LMO1: variants seen among roughly 807,000 people sequenced by gnomAD.
The protein encoded by LMO1 is LIM domain only 1.
Under a neutral mutation model 18.0 loss-of-function variants are expected in LMO1, and 10 were observed. The ratio of observed to expected loss-of-function variants is 0.55; its 90% CI spans 0.34 to 0.94. The LOEUF is 0.94. Ranked by LOEUF, LMO1 falls within the 40% of genes least tolerant of loss-of-function variation. The pLI, the probability that LMO1 is intolerant of heterozygous loss-of-function variation, is 0.02. For synonymous variants in LMO1, 77 were observed against 77.9 expected (o/e 0.99, Z 0.06); for missense variants, 183 against 205.7 (o/e 0.89, Z 0.68).
At chr11:8,268,557 G>T, upstream of LMO1, 1 of 946,436 alleles carries the variant, frequency 1.1e-6, no homozygotes, top group Non-Finnish European at 1.4e-6. Context: ...CGCGGGCGCC[G>T]AGTCCGGAGA....
intron 1 of LMO1, among the ~76,000 whole-genome samples, chr11:8,249,696 C>T (rs2134566250): frequency 6.6e-6 from 1 of 152,338 alleles, no homozygotes; most frequent in Admixed American, 6.5e-5. Context: ...CCTGACCACC[C>T]TGCAGCCTCA....
chr11:8,258,870 C>T (rs1276067205), intron 1 of LMO1, among the ~76,000 whole-genome samples: 1 of 152,198 alleles, frequency 6.6e-6, no homozygotes. Context: ...CACTGAGCCC[C>T]GGCATCCAAA....
intron 1 of LMO1, among the ~76,000 whole-genome samples, chr11:8,254,938 G>T (rs1847064503): frequency 1.3e-5 from 2 of 152,058 alleles, no homozygotes; most frequent in African/African-American, 2.4e-5. Flanking sequence ...GTAAAATGAG[G>T]GTAATAGTAG....
chr11:8,242,609 C>T (rs1354860024), intron 1 of LMO1, among the ~76,000 whole-genome samples: 2 of 152,196 alleles, frequency 1.3e-5, no homozygotes, highest in Admixed American at 6.5e-5. Flanking sequence ...AACGGGATGC[C>T]GCTTGAAGCT....
At chr11:8,267,332 T>C (rs113598931), upstream of LMO1, among the ~76,000 whole-genome samples, 132 of 152,310 alleles carry the variant, frequency 8.7e-4, no homozygotes, top group Non-Finnish European at 1.6e-3. Context: ...ACAAGGACAA[T>C]TGATCACTAT....
Position 8,227,612 on chromosome 11 carries a change from T to C in LMO1, c.240-512A>G, listed in dbSNP as rs1952571438. 3.3e-5 allele frequency among the ~76,000 whole-genome samples: 5 copies of C among 152,368 alleles called. No homozygotes were observed. The South Asian group carries it at 1.0e-3, about 32-fold the overall frequency. On this transcript the variant is annotated intron_variant, in intron 2 of 3. Coordinates refer to ENST00000335790, the MANE Select transcript of LMO1 (RefSeq NM_002315.3). ...ACTCACTAAGCAACCACCTAGGTAG[T>C]GTTCACTATGTGTCAGCCACTAATC... is the stretch of plus-strand genomic sequence containing the variant.
intron 1 of LMO1, among the ~76,000 whole-genome samples, chr11:8,233,109 C>T (rs954820214): frequency 8.5e-5 from 13 of 152,156 alleles, no homozygotes; most frequent in African/African-American, 3.1e-4. Context: ...CCTGGACACC[C>T]CTCCCTCTTC....
intron 1 of LMO1, among the ~76,000 whole-genome samples, chr11:8,262,152 G>C (rs976501270): frequency 6.6e-6 from 1 of 152,226 alleles, no homozygotes; most frequent in African/African-American, 2.4e-5. Context: ...CAGGGACAGA[G>C]GGCTCAGGCC....
At chr11:8,231,831 A>G (rs1281616777) in intron 1 of LMO1, among the ~76,000 whole-genome samples, 1 of 151,886 alleles carries the variant, frequency 6.6e-6, no homozygotes, top group East Asian at 1.9e-4. Context: ...CAGAGTCTGA[A>G]TGGTTGGGCT....
chr11:8,262,006 T>A (rs1447150684), intron 1 of LMO1, among the ~76,000 whole-genome samples: 1 of 152,180 alleles, frequency 6.6e-6, no homozygotes, highest in Non-Finnish European at 1.5e-5. Flanking sequence ...CCCTCCCTGC[T>A]GGATGTCTCA....
upstream of LMO1, among the ~76,000 whole-genome samples, chr11:8,264,593 A>G (rs559049007): frequency 6.1e-4 from 93 of 152,102 alleles, 1 homozygote; most frequent in South Asian, 0.019. Flanking sequence ...AAGGCCACCT[A>G]CCCACCTACT....
At chr11:8,254,966 TA>T (rs1847065135) in intron 1 of LMO1, among the ~76,000 whole-genome samples, 1 of 152,220 alleles carries the variant, frequency 6.6e-6, no homozygotes, top group African/African-American at 2.4e-5. Context: ...CTAAGGTTCT[TA>T]TGGGTATTAA....
In LMO1 at chr11:8,259,489, G is replaced by A. The variant is rs183790555; in HGVS notation, c.25+3849C>T. 4.2e-3 allele frequency among the ~76,000 whole-genome samples: 640 copies of A among 152,306 alleles called. 6 individuals are homozygous for A. The highest frequency in any genetic ancestry group is 0.015 in the African/African-American group (607 of 41,574). The stretch of plus-strand genomic sequence containing the variant: ...GGTAGATGCAGATGGTAACCCTCCC[G>A]CTCCCCTGCTTCTAGGCACTGGGCA... On this transcript the variant is annotated intron_variant, in intron 1 of 3. Transcript: ENST00000335790.
intron 1 of LMO1, among the ~76,000 whole-genome samples, chr11:8,254,290 A>G (rs1039243384): frequency 6.6e-6 from 1 of 152,184 alleles, no homozygotes; most frequent in African/African-American, 2.4e-5. Context: ...AGCAATTCTT[A>G]TTATTTCAAA....
intron 1 of LMO1, among the ~76,000 whole-genome samples, chr11:8,236,695 A>T (rs1375492911): frequency 6.6e-6 from 1 of 152,124 alleles, no homozygotes; most frequent in Non-Finnish European, 1.5e-5. Flanking sequence ...CCCCACGTCC[A>T]CATGATCACA....
chr11:8,224,638 G>A lies in LMO1; in HGVS notation c.449C>T (p.Thr150Ile), dbSNP rs1213248310. The change falls in exon 4 of 4, where the codon ACC becomes ATC. Residue 150 changes from threonine to isoleucine, a missense_variant. By Grantham distance (89) the Thr-to-Ile change is moderately conservative. Coordinates refer to ENST00000335790, the MANE Select transcript of LMO1 (RefSeq NM_002315.3). ...MDYEEGQLNG[T>I]FESQVQ ...GCGTTACTGAACTTGGGATTCAAAG[G>A]TGCCATTGAGCTGCCCTTCCTCATA... 9.3e-6 allele frequency: 15 copies of A among 1,607,784 alleles called. No individual in the cohort carries two copies. The highest frequency in any genetic ancestry group is 1.3e-5 in the Non-Finnish European group (15 of 1,176,556).
At chr11:8,254,076 C>T (rs576950964) in intron 1 of LMO1, among the ~76,000 whole-genome samples, 107 of 151,978 alleles carry the variant, frequency 7.0e-4, no homozygotes, top group African/African-American at 2.4e-3. Flanking sequence ...CAGAACATAG[C>T]GGCGTATGAG....
intron 2 of LMO1, 140 bp from the exon 3 acceptor site, chr11:8,227,240 A>C: frequency 7.3e-7 from 1 of 1,379,026 alleles, no homozygotes; most frequent in Non-Finnish European, 9.7e-7. Flanking sequence ...ATAGGATAAG[A>C]GCACTGAGGG....
At chr11:8,259,926 A>G (rs915678680) in intron 1 of LMO1, among the ~76,000 whole-genome samples, 3 of 152,116 alleles carry the variant, frequency 2.0e-5, no homozygotes, top group Admixed American at 1.3e-4. Context: ...CTTATTAAAA[A>G]TGCCCTAGGA....
Sources: allele counts gnomAD v4.1 joint callset (sites outside exome capture counted in the v4.1 genomes callset), GRCh38; gene constraint gnomAD v4.1.1; transcripts MANE v1.5; gene names NCBI Gene and HGNC (gene_info 2026-07-23, HGNC 2026-07-21).